Variants in RFX4 observed in about 807,000 individuals in gnomAD.
RFX4 encodes transcription factor RFX4.
In RFX4, 10 loss-of-function variants were observed where a neutral mutation model predicts 95.0. The observed-to-expected ratio is 0.11, with a 90% CI of 0.06 to 0.18. The LOEUF (loss-of-function observed/expected upper bound fraction) is 0.18. Among genes scored for constraint, RFX4 ranks in the 10% least tolerant of loss-of-function variants. The pLI, the probability that RFX4 is intolerant of heterozygous loss-of-function variation, is 1.00. For missense variants in RFX4, 640 were observed against 922.0 expected (o/e 0.69, Z 3.96); for synonymous variants, 321 against 340.7 (o/e 0.94, Z 0.64).
chr12:106,713,296 G>A (rs1433471928), intron 10 of RFX4, among the ~76,000 whole-genome samples: 1 of 152,182 alleles, frequency 6.6e-6, no homozygotes, highest in Non-Finnish European at 1.5e-5. Flanking sequence ...TAAGCACTTG[G>A]CATTCCTATC....
intron 4 of RFX4, among the ~76,000 whole-genome samples, chr12:106,671,220 T>C (rs1346710554): frequency 1.3e-5 from 2 of 152,198 alleles, no homozygotes; most frequent in African/African-American, 4.8e-5. Context: ...TTATTTTAGA[T>C]CACTTCTTGT....
At chr12:106,730,074 A>T (rs1333305123) in intron 13 of RFX4, among the ~76,000 whole-genome samples, 1 of 152,162 alleles carries the variant, frequency 6.6e-6, no homozygotes, top group African/African-American at 2.4e-5. Context: ...GAACAAGGAC[A>T]GGAGTTTATG....
intron 1 of RFX4, chr12:106,601,417 C>A: frequency 1.4e-6 from 2 of 1,466,720 alleles, no homozygotes; most frequent in Non-Finnish European, 1.8e-6. Flanking sequence ...GGGGCCAGGC[C>A]CGCCTTGGTA....
At chr12:106,623,997 C>A (rs1162192387) in intron 2 of RFX4, among the ~76,000 whole-genome samples, 1 of 152,118 alleles carries the variant, frequency 6.6e-6, no homozygotes, top group Non-Finnish European at 1.5e-5. Context: ...CGAGTTAGTA[C>A]CTCATAATCA....
chr12:106,651,223 T>G (rs748274465), intron 3 of RFX4, among the ~76,000 whole-genome samples: 4 of 151,948 alleles, frequency 2.6e-5, no homozygotes, highest in Admixed American at 6.6e-5. Context: ...GGAACCTCCC[T>G]CCCTCCCCCA....
chr12:106,750,516 A>C, intron 16 of RFX4, 139 bp from the exon 17 acceptor site: 7 of 702,182 alleles, frequency 1.0e-5, no homozygotes, highest in Non-Finnish European at 1.3e-5. Context: ...GAAAAATGGG[A>C]TTGGGGGTGA....
intron 4 of RFX4, among the ~76,000 whole-genome samples, chr12:106,654,868 C>A (rs1253374324): frequency 6.6e-6 from 1 of 152,228 alleles, no homozygotes; most frequent in East Asian, 1.9e-4. Flanking sequence ...TAGCAGTGAT[C>A]ATTCCCATTT....
chr12:106,657,394 G>A (rs1375922303), intron 4 of RFX4, among the ~76,000 whole-genome samples: 1 of 152,126 alleles, frequency 6.6e-6, no homozygotes, highest in Non-Finnish European at 1.5e-5. Flanking sequence ...GACCTGGTTG[G>A]GATACCGTTC....
At chr12:106,728,344 G>A (rs1483738454) in intron 13 of RFX4, among the ~76,000 whole-genome samples, 1 of 141,234 alleles carries the variant, frequency 7.1e-6, no homozygotes, top group Non-Finnish European at 1.5e-5. Context: ...GTGTTGTTGA[G>A]AAGTTAAAAG....
intron 4 of RFX4, among the ~76,000 whole-genome samples, chr12:106,667,915 G>A (rs1014028418): frequency 1.3e-5 from 2 of 152,078 alleles, no homozygotes; most frequent in Admixed American, 6.5e-5. Context: ...TGTCAATATC[G>A]GATTTCTGAT....
intron 2 of RFX4, among the ~76,000 whole-genome samples, chr12:106,633,361 A>G (rs866312636): frequency 6.6e-6 from 1 of 152,176 alleles, no homozygotes; most frequent in Non-Finnish European, 1.5e-5. Context: ...CACCCTCACC[A>G]AAGATCTGTT....
chr12:106,685,106 T>C (rs924233818), intron 5 of RFX4, among the ~76,000 whole-genome samples: 2 of 152,146 alleles, frequency 1.3e-5, no homozygotes, highest in African/African-American at 4.8e-5. Flanking sequence ...ACGGATGACC[T>C]AACATTTGTA....
At chr12:106,733,194 G>C in intron 15 of RFX4, 109 bp downstream of exon 15, 1 of 1,250,508 alleles carries the variant, frequency 8.0e-7, no homozygotes, top group Non-Finnish European at 1.2e-6. Context: ...CAAAAAGCCA[G>C]ACATCTTGGC....
chr12:106,613,261 C>A (rs931444966), intron 2 of RFX4, among the ~76,000 whole-genome samples: 2 of 149,824 alleles, frequency 1.3e-5, no homozygotes, highest in Non-Finnish European at 1.5e-5. Context: ...TATGCCAGAC[C>A]ATCCTTGCAT....
At chr12:106,620,911 TTC>T (rs2040172699) in intron 2 of RFX4, among the ~76,000 whole-genome samples, 1 of 152,150 alleles carries the variant, frequency 6.6e-6, no homozygotes, top group South Asian at 2.1e-4. Context: ...TTAGTATATC[TTC>T]CCTACTTGCA....
intron 2 of RFX4, among the ~76,000 whole-genome samples, chr12:106,638,895 A>G (rs1027932303): frequency 6.6e-6 from 1 of 152,334 alleles, no homozygotes; most frequent in Non-Finnish European, 1.5e-5. Flanking sequence ...CCCCACCTTC[A>G]AATATCATCA....
At chr12:106,738,227 A>G (rs1566001193) in intron 15 of RFX4, among the ~76,000 whole-genome samples, 1 of 152,226 alleles carries the variant, frequency 6.6e-6, no homozygotes, top group Non-Finnish European at 1.5e-5. Flanking sequence ...CTAACTTCTG[A>G]AATAAACAGG....
At chr12:106,684,543 G>T in intron 5 of RFX4, 1 of 367,472 alleles carries the variant, frequency 2.7e-6, no homozygotes, top group Non-Finnish European at 4.6e-6. Context: ...TTAGCTACGT[G>T]ATCTCTGAAT....
At chr12:106,747,399 A>G (rs1295583826) in intron 15 of RFX4, 38 bp from the exon 16 acceptor site, 2 of 1,601,154 alleles carry the variant, frequency 1.2e-6, no homozygotes, top group South Asian at 2.2e-5. Context: ...GGATATGAGA[A>G]CTGTTAATGA....
Sources: allele counts gnomAD v4.1 joint callset (sites outside exome capture counted in the v4.1 genomes callset), GRCh38; gene constraint gnomAD v4.1.1; transcripts MANE v1.5; gene names NCBI Gene and HGNC (gene_info 2026-07-23, HGNC 2026-07-21).